Variants in NFILZ observed in about 807,000 individuals in gnomAD.
NFILZ encodes NFIL3 like protein.
At chr19:8,635,408 C>G (rs2042890263) in intron 2 of NFILZ, among the ~76,000 whole-genome samples, 1 of 151,806 alleles carries the variant, frequency 6.6e-6, no homozygotes, top group Non-Finnish European at 1.5e-5. Flanking sequence ...GTCAATTTCT[C>G]TCCCTCAGTC....
chr19:8,652,954 C>A (rs1156591483), intron 3 of NFILZ, among the ~76,000 whole-genome samples: 1 of 145,898 alleles, frequency 6.9e-6, no homozygotes, highest in Admixed American at 7.0e-5. Context: ...CTCTCTCTTT[C>A]TTTCCCTTCC....
chr19:8,637,968 C>T (rs2042902740), intron 3 of NFILZ, among the ~76,000 whole-genome samples: 1 of 118,538 alleles, frequency 8.4e-6, no homozygotes, highest in Non-Finnish European at 1.9e-5. Context: ...AAAAAGCCTC[C>T]ACATAGTCCC....
intron 2 of NFILZ, among the ~76,000 whole-genome samples, chr19:8,633,145 TGAC>T (rs1555745743): frequency 2.6e-5 from 4 of 150,962 alleles, no homozygotes; most frequent in Non-Finnish European, 5.9e-5. Context: ...CTCAGCCTCC[TGAC>T]TGATTGAGAT....
intron 3 of NFILZ, among the ~76,000 whole-genome samples, chr19:8,667,019 G>A (rs1177068089): frequency 1.3e-5 from 2 of 151,432 alleles, no homozygotes; most frequent in Non-Finnish European, 2.9e-5. Context: ...CAAAGTGTTG[G>A]CATTACAGGT....
chr19:8,632,678 A>T (rs1227345033), intron 2 of NFILZ, 53 bp downstream of exon 2: 1 of 151,886 alleles, frequency 6.6e-6, no homozygotes, highest in Non-Finnish European at 1.5e-5. Context: ...AACCATAAAA[A>T]TGGGCAACCA....
chr19:8,665,855 T>C (rs560347829), intron 3 of NFILZ, among the ~76,000 whole-genome samples: 5 of 152,354 alleles, frequency 3.3e-5, no homozygotes, highest in South Asian at 4.1e-4. Flanking sequence ...CAGACATGCA[T>C]TGGCCTGGCA....
At chr19:8,668,199 C>T (rs1555749995) in intron 3 of NFILZ, among the ~76,000 whole-genome samples, 1 of 152,136 alleles carries the variant, frequency 6.6e-6, no homozygotes, top group Admixed American at 6.5e-5. Context: ...GATCTGCCTG[C>T]CTTGGCCTCC....
Position 8,656,284 on chromosome 19 carries a change from C to CCCACAGCCCCCCTCCTCCCTGAAG in NFILZ, c.-163-18265_-163-18264insACAGCCCCCCTCCTCCCTGAAGCC, listed in dbSNP as rs1420223130. On this transcript the variant is annotated intron_variant, in intron 3 of 5. Transcript: ENST00000691075. ...ATCTTCTCTCTGAAGCCCACCTTCTCCCCACAGCCCACCTCCTCCCGCAGC... is the reference window on the plus strand; with the variant it reads ...ATCTTCTCTCTGAAGCCCACCTTCTCCCACAGCCCCCCTCCTCCCTGAAGCCCACAGCCCACCTCCTCCCGCAGC... Among the ~76,000 whole-genome samples the CCCACAGCCCCCCTCCTCCCTGAAG allele has an allele frequency of 3.9e-5, 2 of 50,844 alleles. 1 individual carries two copies. The highest frequency in any genetic ancestry group is 1.2e-4 in the Non-Finnish European group (2 of 17,044). 33.4% of individuals were successfully genotyped at this position (50,844 alleles called of 152,430 possible).
At chr19:8,665,910 G>A (rs782413213) in intron 3 of NFILZ, among the ~76,000 whole-genome samples, 4 of 152,168 alleles carry the variant, frequency 2.6e-5, no homozygotes, top group Non-Finnish European at 5.9e-5. Flanking sequence ...ACACTCGCTG[G>A]AGAGTTTGCA....
At position 8,663,754 on chromosome 19, in the gene NFILZ, G is replaced by GTGTGTATGTGTGTATGTGTGTA. The variant is rs1475816997; in HGVS notation, c.-163-10792_-163-10791insATGTGTGTATGTGTGTATGTGT. Reference sequence around the variant, plus strand: ...TGTGTGTGTGTGTGTGTGTGTGTGTGTGTGTGTGTGTGTGTGTATGTATGT... The same window carrying GTGTGTATGTGTGTATGTGTGTA: ...TGTGTGTGTGTGTGTGTGTGTGTGTGTGTGTATGTGTGTATGTGTGTATGTGTGTGTGTGTGTGTATGTATGT... On this transcript the variant is annotated intron_variant, in intron 3 of 5. Coordinates refer to ENST00000691075, the MANE Select transcript of NFILZ (RefSeq NM_001378600.1). Among the ~76,000 whole-genome samples, 436 of 117,562 alleles carry GTGTGTATGTGTGTATGTGTGTA rather than the reference G, an allele frequency of 3.7e-3. 5 individuals carry two copies. Among genetic ancestry groups the GTGTGTATGTGTGTATGTGTGTA allele is most frequent in the Non-Finnish European group, 6.0e-3 (367 of 61,104 alleles). The allele number at this position is 117,562 out of a possible 152,430, so 77.1% of individuals were successfully genotyped here.
Position 8,671,872 on chromosome 19 carries a change from C to T in NFILZ, c.-163-2679C>T, listed in dbSNP as rs1387831685. On this transcript the variant is annotated intron_variant, in intron 3 of 5. Coordinates refer to ENST00000691075, the MANE Select transcript of NFILZ (RefSeq NM_001378600.1). ...GGAATGTGGCAGGGGAATTCTGTGG[C>T]TAGTGGGGGACCCCAAGTGAGGGCT... Among the ~76,000 whole-genome samples, 3 of 152,272 alleles carry T rather than the reference C, an allele frequency of 2.0e-5. No individual in the cohort carries two copies. In the East Asian group the frequency reaches 5.8e-4, roughly 29 times the overall value.
chr19:8,661,152 C>A (rs2043030262), intron 3 of NFILZ, among the ~76,000 whole-genome samples: 1 of 142,644 alleles, frequency 7.0e-6, no homozygotes, highest in Non-Finnish European at 1.5e-5. Flanking sequence ...TTTCCCTTCC[C>A]TTTTCTCTCT....
rs1462636447 is a variant in NFILZ at position 8,652,956 on chromosome 19, T to C, written c.-164+17210T>C. On this transcript the variant is annotated intron_variant, in intron 3 of 5. Coordinates refer to ENST00000691075, the MANE Select transcript of NFILZ (RefSeq NM_001378600.1). ...TCTTTCTCTCTTTCTCTCTCTTTCT[T>C]TCCCTTCCTTCCCTCCTTCCTTCCT... Among the ~76,000 whole-genome samples, 153 of 132,448 alleles carry C rather than the reference T, an allele frequency of 1.2e-3. 1 individual carries two copies. The highest frequency in any genetic ancestry group is 1.8e-3 in the Admixed American group (22 of 12,478). The allele number at this position is 132,448 out of a possible 152,430, so 86.9% of individuals were successfully genotyped here.
chr19:8,666,151 G>C (rs1236206878), intron 3 of NFILZ, among the ~76,000 whole-genome samples: 1 of 151,930 alleles, frequency 6.6e-6, no homozygotes, highest in Non-Finnish European at 1.5e-5. Context: ...TCAAAAAAGA[G>C]GGTTGGCAAA....
At chr19:8,631,868 T>G (rs1460322101) in intron 1 of NFILZ, among the ~76,000 whole-genome samples, 7 of 101,880 alleles carry the variant, frequency 6.9e-5, no homozygotes, top group Non-Finnish European at 8.4e-5. Context: ...GTGTGTGTGT[T>G]TTGTTTGTTT....
At chr19:8,670,464 T>C (rs1555750192) in intron 3 of NFILZ, among the ~76,000 whole-genome samples, 1 of 152,130 alleles carries the variant, frequency 6.6e-6, no homozygotes, top group Non-Finnish European at 1.5e-5. Context: ...AATAAATGCA[T>C]GAATAGTTGA....
intron 3 of NFILZ, among the ~76,000 whole-genome samples, chr19:8,652,644 T>C (rs2042969210): frequency 6.6e-6 from 1 of 152,246 alleles, no homozygotes; most frequent in East Asian, 1.9e-4. Context: ...CTTGCTGGAA[T>C]TGCGCTGCTT....
intron 3 of NFILZ, among the ~76,000 whole-genome samples, chr19:8,651,319 G>A (rs967127785): frequency 1.3e-5 from 2 of 151,870 alleles, no homozygotes; most frequent in African/African-American, 4.8e-5. Flanking sequence ...CCACCACTAG[G>A]CCCAGCTAAT....
At chr19:8,671,056 T>G (rs546576616) in intron 3 of NFILZ, among the ~76,000 whole-genome samples, 1 of 150,476 alleles carries the variant, frequency 6.6e-6, no homozygotes, top group Non-Finnish European at 1.5e-5. Flanking sequence ...GCAGGCCACA[T>G]GGTGTGGCAG....
Sources: allele counts gnomAD v4.1 joint callset (sites outside exome capture counted in the v4.1 genomes callset), GRCh38; gene constraint gnomAD v4.1.1; transcripts MANE v1.5; gene names NCBI Gene and HGNC (gene_info 2026-07-23, HGNC 2026-07-21).